SEMA4A: variants seen among roughly 807,000 people sequenced by gnomAD.
SEMA4A encodes semaphorin-4A.
Under a neutral mutation model 72.5 loss-of-function variants are expected in SEMA4A, and 52 were observed. The observed-to-expected ratio is 0.72, with a 90% CI of 0.57 to 0.90. The LOEUF is 0.90. SEMA4A is among the 40% of genes least tolerant of loss of function. The pLI, the probability that SEMA4A is intolerant of heterozygous loss-of-function variation, is 0.00. For synonymous variants in SEMA4A, 369 were observed against 393.1 expected, an observed-to-expected ratio of 0.94 and a Z score of 0.73; for missense variants, 926 against 959.7, an observed-to-expected ratio of 0.96 and a Z score of 0.46.
At chr1:156,158,638 T>C in intron 5 of SEMA4A, 81 bp from the exon 6 acceptor site, 1 of 1,367,920 alleles carries the variant, frequency 7.3e-7, no homozygotes, top group Non-Finnish European at 1.0e-6. Context: ...TCTATGTCCC[T>C]TTCCCTTCCT....
chr1:156,173,966 C>T (rs1361186973), intron 11 of SEMA4A, among the ~76,000 whole-genome samples: 1 of 152,118 alleles, frequency 6.6e-6, no homozygotes, highest in Admixed American at 6.5e-5. Context: ...AACAAATTAG[C>T]AGTGTGTAGT....
chr1:156,164,318 G>A lies in SEMA4A; in HGVS notation c.1134+1224G>A, dbSNP rs544356331. 3.3e-5 allele frequency among the ~76,000 whole-genome samples: 5 copies of A among 152,182 alleles called. No homozygotes were observed. The South Asian group carries it at 6.2e-4, about 19-fold the overall frequency. On this transcript the variant is annotated intron_variant, in intron 10 of 14. Transcript: ENST00000368285. ...ACATGATTTATTGCTACTTCGTGAC[G>A]TTTCAGTTTCAGACAGTATCTGTTG...
intron 13 of SEMA4A, 73 bp downstream of exon 13, chr1:156,175,316 T>G: frequency 6.6e-7 from 1 of 1,509,426 alleles, no homozygotes; most frequent in East Asian, 2.3e-5. Context: ...GCTACTGTTC[T>G]TCCTCTCTCC....
intron 10 of SEMA4A, among the ~76,000 whole-genome samples, chr1:156,171,544 T>C (rs924018720): frequency 6.6e-6 from 1 of 152,200 alleles, no homozygotes; most frequent in Non-Finnish European, 1.5e-5. Flanking sequence ...TGTGCTATGC[T>C]GGGAAATACA....
chr1:156,175,976 G>T (rs750897798), intron 14 of SEMA4A, among the ~76,000 whole-genome samples: 1 of 152,050 alleles, frequency 6.6e-6, no homozygotes, highest in Non-Finnish European at 1.5e-5. Context: ...AATGGAAGTT[G>T]GAGATAAGAG....
At position 156,177,435 on chromosome 1, in the gene SEMA4A, C is replaced by T. The variant is rs143531512; in HGVS notation, c.*438C>T. ...CCTGGAAACTCCACTCTGAAGCTGCCGCTTTGGACACCAACACTCCCTTCT... is the reference window on the plus strand; with the variant it reads ...CCTGGAAACTCCACTCTGAAGCTGCTGCTTTGGACACCAACACTCCCTTCT... On this transcript the variant is annotated 3_prime_UTR_variant, in exon 15 of 15. Transcript: ENST00000368285. The T allele has an allele frequency of 1.5e-5, 4 of 270,982 alleles. No individual in the cohort carries two copies. The highest frequency in any genetic ancestry group is 8.2e-5 in the South Asian group (2 of 24,476). 16.8% of individuals were successfully genotyped at this position (270,982 alleles called of 1,614,324 possible).
chr1:156,175,014 G>A, intron 12 of SEMA4A, 72 bp from the exon 13 acceptor site: 1 of 1,614,066 alleles, frequency 6.2e-7, no homozygotes, highest in Non-Finnish European at 8.5e-7. Context: ...TGGCTCCCTG[G>A]GCCTGCACCA....
rs1558165410 is a variant in SEMA4A at position 156,176,501 on chromosome 1, C to A, written c.1790C>A (p.Ala597Glu). 6.2e-7 allele frequency: 1 copy of A among 1,614,160 alleles called. No homozygotes were observed. Among genetic ancestry groups the A allele is most frequent in the African/African-American group, 1.3e-5 (1 of 75,034 alleles). The change falls in exon 15 of 15, where the codon GCA becomes GAA. Residue 597 changes from alanine (A) to glutamate (E), a missense_variant. Ala to Glu is a moderately radical substitution (Grantham distance 107). Transcript: ENST00000368285. ...TATTATTGGAGTCATGGCCCAGCAG[C>A]AGTCCCAGAAGCCTCTTCCACTGTC... ...ASYYWSHGPA[A>E]VPEASSTVYN...
rs775595294 is a variant in SEMA4A at position 156,176,818 on chromosome 1, G to A, written c.2107G>A (p.Val703Met). 8.1e-6 allele frequency: 13 copies of A among 1,614,144 alleles called. 1 individual carries two copies. The highest frequency in any genetic ancestry group is 3.3e-5 in the South Asian group (3 of 91,080). Reference sequence around the variant, plus strand: ...GCTTTCAGGAGCCCTCATCATCCTCGTGGCCTCCCCATTGAGAGCACTCCG... The same window carrying A: ...GCTTTCAGGAGCCCTCATCATCCTCATGGCCTCCCCATTGAGAGCACTCCG... ...LVLSGALIIL[V>M]ASPLRALRAR... The change falls in exon 15 of 15, where the codon GTG becomes ATG. Residue 703 changes from valine to methionine, a missense_variant. Coordinates refer to ENST00000368285, the MANE Select transcript of SEMA4A (RefSeq NM_022367.4).
chr1:156,148,100 T>C (rs1652240176), upstream of SEMA4A, among the ~76,000 whole-genome samples: 2 of 152,218 alleles, frequency 1.3e-5, no homozygotes, highest in Admixed American at 1.3e-4. Flanking sequence ...CTTGGGTTAT[T>C]TCAGAAAGGT....
intron 10 of SEMA4A, among the ~76,000 whole-genome samples, chr1:156,172,335 C>G (rs1204768303): frequency 6.6e-6 from 1 of 151,932 alleles, no homozygotes; most frequent in Admixed American, 6.6e-5. Context: ...AGGCTGGTCT[C>G]GAACTCCTGA....
chr1:156,150,261 TGGGTAAGGGGTTAGGAG>T (rs1652426145), upstream of SEMA4A: 1 of 151,900 alleles, frequency 6.6e-6, no homozygotes, highest in Admixed American at 6.6e-5. Context: ...TGGGAAGCTC[TGGGTAAGGGGTTAGGAG>T]GGACTGAGCT....
chr1:156,154,716 A>G lies in SEMA4A; in HGVS notation c.138A>G (p.Ala46=), dbSNP rs749076475. Residue 46 remains alanine, a splice_region_variant and synonymous_variant, in exon 2 of 15, where the codon GCA becomes GCG. Transcript: ENST00000368285. ...QGPMPRVRYY[A]GDERRALSFF... is the part of the protein sequence containing the mutation. ...CCATGCCCAGGGTCAGATACTATGC[A>G]GGTAAGTGTCCGACAGCAGGAAGTG... is the stretch of plus-strand genomic sequence containing the variant. The G allele has an allele frequency of 1.3e-6, 2 of 1,581,630 alleles. No homozygotes were observed. Among genetic ancestry groups the G allele is most frequent in the Non-Finnish European group, 1.7e-6 (2 of 1,164,048 alleles).
At chr1:156,175,784 G>A in intron 14 of SEMA4A, 128 bp downstream of exon 14, 1 of 731,028 alleles carries the variant, frequency 1.4e-6, no homozygotes, top group Admixed American at 2.1e-5. Flanking sequence ...ACCCGAGTTG[G>A]GATGGATTTG....
At chr1:156,163,278 A>G (rs750480441) in intron 10 of SEMA4A, 184 bp downstream of exon 10, 50 of 655,094 alleles carry the variant, frequency 7.6e-5, no homozygotes, top group Admixed American at 1.3e-4. Context: ...CCTTTTATAC[A>G]CGGAGCAGTT....
chr1:156,156,238 G>A (rs1296736941), intron 2 of SEMA4A, 176 bp from the exon 3 acceptor site: 4 of 670,766 alleles, frequency 6.0e-6, no homozygotes, highest in Admixed American at 2.1e-5. Flanking sequence ...AGCACACAAC[G>A]CTCTTGTGTT....
At chr1:156,148,956 C>T (rs1652322688), upstream of SEMA4A, among the ~76,000 whole-genome samples, 1 of 152,086 alleles carries the variant, frequency 6.6e-6, no homozygotes, top group Non-Finnish European at 1.5e-5. Flanking sequence ...GCATGCGCCA[C>T]CATGCCCGGC....
At chr1:156,162,833 C>T (rs1444456471) in intron 9 of SEMA4A, 111 bp from the exon 10 acceptor site, 13 of 1,365,564 alleles carry the variant, frequency 9.5e-6, no homozygotes, top group African/African-American at 7.1e-5. Flanking sequence ...GGAGGCTGGC[C>T]CAGCTCTCCA....
Position 156,176,500 on chromosome 1 carries a change from G to A in SEMA4A, c.1789G>A (p.Ala597Thr), listed in dbSNP as rs767728759. The A allele has an allele frequency of 6.2e-7, 1 of 1,614,162 alleles. No individual in the cohort carries two copies. The highest frequency in any genetic ancestry group is 8.5e-7 in the Non-Finnish European group (1 of 1,180,030). Reference protein sequence around the residue: ...ASYYWSHGPAAVPEASSTVYN... With the variant: ...ASYYWSHGPATVPEASSTVYN... ...TTATTATTGGAGTCATGGCCCAGCAGCAGTCCCAGAAGCCTCTTCCACTGT... is the reference window on the plus strand; with the variant it reads ...TTATTATTGGAGTCATGGCCCAGCAACAGTCCCAGAAGCCTCTTCCACTGT... Residue 597 changes from alanine to threonine, a missense_variant, in exon 15 of 15, where the codon GCA becomes ACA. Coordinates refer to ENST00000368285, the MANE Select transcript of SEMA4A (RefSeq NM_022367.4).
Sources: allele counts gnomAD v4.1 joint callset (sites outside exome capture counted in the v4.1 genomes callset), GRCh38; gene constraint gnomAD v4.1.1; transcripts MANE v1.5; gene names NCBI Gene and HGNC (gene_info 2026-07-23, HGNC 2026-07-21).